MTMR7: variants seen among roughly 807,000 people sequenced by gnomAD.
MTMR7 encodes the protein myotubularin related protein 7.
MTMR7 carries 76 observed loss-of-function variants against 81.2 expected under a neutral mutation model. The observed-to-expected ratio is 0.94, with a 90% CI of 0.78 to 1.13. MTMR7 has a LOEUF of 1.13. Among genes scored for constraint, MTMR7 ranks in the 50% most tolerant of loss-of-function variants. The probability of loss-of-function intolerance (pLI) is 0.00; values close to 1 mark genes in which losing one functional copy is unlikely to be tolerated. For missense variants in MTMR7, 1,044 were observed against 820.0 expected (o/e 1.27, Z -3.34); for synonymous variants, 372 against 289.8 (o/e 1.28, Z -2.88).
At chr8:17,405,918 T>G (rs1388768379) in intron 1 of MTMR7, among the ~76,000 whole-genome samples, 1 of 151,626 alleles carries the variant, frequency 6.6e-6, no homozygotes, top group Non-Finnish European at 1.5e-5. Flanking sequence ...TAAATTACAC[T>G]GTTTTATATA....
At chr8:17,395,053 T>C (rs950625794) in intron 1 of MTMR7, among the ~76,000 whole-genome samples, 4 of 152,182 alleles carry the variant, frequency 2.6e-5, no homozygotes, top group African/African-American at 9.6e-5. Context: ...ACAAAAACTC[T>C]CTAACTATTA....
intron 3 of MTMR7, among the ~76,000 whole-genome samples, chr8:17,370,554 A>G (rs1820385981): frequency 3.4e-5 from 2 of 58,224 alleles, no homozygotes; most frequent in Admixed American, 3.9e-4. Flanking sequence ...AAAGTGCCTC[A>G]AAAAAAAAAA....
chr8:17,309,498 G>T (rs1817670532), intron 9 of MTMR7, among the ~76,000 whole-genome samples, 172 bp from the exon 10 acceptor site: 2 of 152,190 alleles, frequency 1.3e-5, no homozygotes, highest in Admixed American at 1.3e-4. Context: ...CATGGCAAAG[G>T]CAAAGTTGAA....
At chr8:17,367,766 C>T (rs910717686) in intron 3 of MTMR7, among the ~76,000 whole-genome samples, 6 of 152,066 alleles carry the variant, frequency 3.9e-5, no homozygotes, top group African/African-American at 1.2e-4. Context: ...ATAGTTACAC[C>T]GGTTCTAAAA....
chr8:17,400,033 G>T (rs1472195179), intron 1 of MTMR7, among the ~76,000 whole-genome samples: 1 of 152,018 alleles, frequency 6.6e-6, no homozygotes. Context: ...CTCTAGGATT[G>T]TATCTGCTAT....
At chr8:17,314,920 CTA>C (rs963621654) in intron 7 of MTMR7, among the ~76,000 whole-genome samples, 1 of 152,122 alleles carries the variant, frequency 6.6e-6, no homozygotes, top group African/African-American at 2.4e-5. Context: ...CAGGAAGACA[CTA>C]TGTGTCTGAT....
chr8:17,387,646 A>G (rs1328017667), intron 1 of MTMR7, among the ~76,000 whole-genome samples: 2 of 152,218 alleles, frequency 1.3e-5, no homozygotes, highest in African/African-American at 2.4e-5. Flanking sequence ...TCCTTCCTCC[A>G]CATGGGAGGT....
chr8:17,306,390 G>GA (rs772416803), intron 10 of MTMR7, among the ~76,000 whole-genome samples: 138 of 146,274 alleles, frequency 9.4e-4, no homozygotes, highest in South Asian at 5.0e-3. Context: ...AAGACAACTT[G>GA]AAAAAAAAAA....
In MTMR7 at chr8:17,361,099, T is replaced by G. The variant is rs752881437; in HGVS notation, c.468+18A>C. ...CCTAATTTCATGCGGCTTCAGTGTTTGGGTTTCACGCACTCACTCTGTAGT... is the reference window on the plus strand; with the variant it reads ...CCTAATTTCATGCGGCTTCAGTGTTGGGGTTTCACGCACTCACTCTGTAGT... On this transcript the variant is annotated intron_variant, in intron 4 of 13. Transcript: ENST00000180173. 6.2e-7 allele frequency: 1 copy of G among 1,613,738 alleles called. No individual in the cohort carries two copies.
chr8:17,352,218 TCAAA>T (rs1280028748), intron 4 of MTMR7, among the ~76,000 whole-genome samples: 2 of 152,096 alleles, frequency 1.3e-5, no homozygotes, highest in African/African-American at 4.8e-5. Context: ...TTTGCAGCAA[TCAAA>T]CAGTGTGGTA....
At chr8:17,357,551 CT>C (rs34280254) in intron 4 of MTMR7, among the ~76,000 whole-genome samples, 2 of 151,894 alleles carry the variant, frequency 1.3e-5, no homozygotes, top group Non-Finnish European at 2.9e-5. Context: ...CATAAAACAC[CT>C]TTTTTTCCCT....
chr8:17,351,370 C>G (rs1819723705), intron 4 of MTMR7, among the ~76,000 whole-genome samples: 1 of 152,186 alleles, frequency 6.6e-6, no homozygotes, highest in African/African-American at 2.4e-5. Context: ...TCACTGGCAT[C>G]AAGGCCCTGT....
chr8:17,325,297 G>A (rs559434726), intron 7 of MTMR7, among the ~76,000 whole-genome samples: 3 of 152,188 alleles, frequency 2.0e-5, no homozygotes, highest in South Asian at 2.1e-4. Context: ...TGCCTCCCAC[G>A]ACAACTCCAA....
chr8:17,382,999 G>C (rs960891151), intron 1 of MTMR7, among the ~76,000 whole-genome samples: 2 of 151,524 alleles, frequency 1.3e-5, no homozygotes, highest in African/African-American at 4.9e-5. Flanking sequence ...AGAATGTCTT[G>C]AGAGCGGCTG....
chr8:17,396,444 G>A (rs369835709), intron 1 of MTMR7, among the ~76,000 whole-genome samples: 2 of 152,156 alleles, frequency 1.3e-5, no homozygotes, highest in Non-Finnish European at 2.9e-5. Flanking sequence ...GCGGGAAGGA[G>A]AGCATAGCTA....
At chr8:17,367,763 CA>C (rs1449814224) in intron 3 of MTMR7, among the ~76,000 whole-genome samples, 1 of 152,106 alleles carries the variant, frequency 6.6e-6, no homozygotes, top group Non-Finnish European at 1.5e-5. Context: ...TCAATAGTTA[CA>C]CCGGTTCTAA....
At chr8:17,350,362 T>A (rs1285645663) in intron 4 of MTMR7, among the ~76,000 whole-genome samples, 1 of 152,164 alleles carries the variant, frequency 6.6e-6, no homozygotes, top group African/African-American at 2.4e-5. Flanking sequence ...CTCATAAGCA[T>A]GGCAAAAGGT....
At chr8:17,385,778 C>A (rs1198958833) in intron 1 of MTMR7, among the ~76,000 whole-genome samples, 2 of 152,150 alleles carry the variant, frequency 1.3e-5, no homozygotes, top group Non-Finnish European at 2.9e-5. Flanking sequence ...TCCCTCTTAA[C>A]CTTCCACCAT....
At position 17,296,859 on chromosome 8, in the gene MTMR7, T is replaced by C. The variant is rs1586106779; in HGVS notation, c.*3003A>G. 1 of 152,232 alleles carries C rather than the reference T, an allele frequency of 6.6e-6. No individual in the cohort carries two copies. Among genetic ancestry groups the C allele is most frequent in the African/African-American group, 2.4e-5 (1 of 41,470 alleles). The allele number at this position is 152,232 out of a possible 1,614,324, so 9.4% of individuals were successfully genotyped here. On this transcript the variant is annotated 3_prime_UTR_variant, in exon 14 of 14. Transcript: ENST00000180173. Reference sequence around the variant, plus strand: ...TCCCAGTTTCATTCTATACCATTCATTGGATAACCTTGTTACAACCCAGTC... The same window carrying C: ...TCCCAGTTTCATTCTATACCATTCACTGGATAACCTTGTTACAACCCAGTC...
Sources: allele counts gnomAD v4.1 joint callset (sites outside exome capture counted in the v4.1 genomes callset), GRCh38; gene constraint gnomAD v4.1.1; transcripts MANE v1.5; gene names NCBI Gene and HGNC (gene_info 2026-07-23, HGNC 2026-07-21).